The following NEB variants were observed in gnomAD, a reference collection of about 807,000 sequenced individuals.
The protein encoded by NEB is nebulin.
Under a neutral mutation model 952.2 loss-of-function variants are expected in NEB, and 512 were observed. The observed-to-expected ratio is 0.54, with a 90% CI of 0.50 to 0.58. The LOEUF (loss-of-function observed/expected upper bound fraction) is 0.58. NEB is among the 20% of genes least tolerant of loss of function. NEB has a pLI of 0.00. For synonymous variants in NEB, 2,900 were observed against 3,149.8 expected (o/e 0.92, Z 2.66); for missense variants, 8,428 against 9,231.1 (o/e 0.91, Z 3.56).
chr2:151,519,480 G>A lies in NEB; in HGVS notation c.22590+178C>T, dbSNP rs151109510. Reference sequence around the variant, plus strand: ...GGTTCCCAGGAGCTGACGGGAGGAGGGAATGGAGAGTTTTTGCTTAATGGT... The same window carrying A: ...GGTTCCCAGGAGCTGACGGGAGGAGAGAATGGAGAGTTTTTGCTTAATGGT... On this transcript the variant is annotated intron_variant, in intron 154 of 181. Transcript: ENST00000397345. Among the ~76,000 whole-genome samples, 388 of 152,294 alleles carry A rather than the reference G, an allele frequency of 2.5e-3. 1 individual carries two copies. The highest frequency in any genetic ancestry group is 0.014 in the Middle Eastern group (4 of 294).
At position 151,614,448 on chromosome 2, in the gene NEB, T is replaced by C. The variant is rs562419268; in HGVS notation, c.11429A>G (p.Lys3810Arg). 27 of 1,613,834 alleles carry C rather than the reference T, an allele frequency of 1.7e-5. No homozygotes were observed. The South Asian group carries it at 2.1e-4, about 12-fold the overall frequency. The change falls in exon 77 of 182, where the codon AAG becomes AGG. Residue 3810 changes from lysine to arginine, a missense_variant. Transcript: ENST00000397345. ...SDREYKKEFE[K>R]WKTKFSSPVD... Reference sequence around the variant, plus strand: ...TGGGCTGCTGAACTTGGTCTTCCACTTCTCAAACTCCTTCTTGTACTCCCT... The same window carrying C: ...TGGGCTGCTGAACTTGGTCTTCCACCTCTCAAACTCCTTCTTGTACTCCCT...
intron 38 of NEB, 78 bp downstream of exon 38, chr2:151,670,945 G>T (rs1312581233): frequency 2.1e-6 from 3 of 1,424,574 alleles, no homozygotes; most frequent in Non-Finnish European, 3.0e-6. Flanking sequence ...CTCACACATT[G>T]AATTAAGAAG....
At chr2:151,702,827 C>G (rs1175638941) in intron 13 of NEB, among the ~76,000 whole-genome samples, 9 of 152,090 alleles carry the variant, frequency 5.9e-5, no homozygotes, top group African/African-American at 2.2e-4. Flanking sequence ...ATCCAATTTG[C>G]CAGTCTGTGC....
chr2:151,640,649 G>A lies in NEB; in HGVS notation c.8391C>T (p.Gly2797=), dbSNP rs1000640285. Residue 2797 remains glycine (G), a synonymous_variant, in exon 61 of 182, where the codon GGC becomes GGT. Coordinates refer to ENST00000397345, the MANE Select transcript of NEB (RefSeq NM_001164508.2). ...TGTGGTGGCCGAGCTGCTTACGATA[G>A]CCTTCTTTGTACTTGAACTAAAAGA... is the stretch of plus-strand genomic sequence containing the variant. The part of the protein sequence containing the change: ...DIASEFKYKE[G]YRKQLGHHIG... 1 of 1,612,064 alleles carries A rather than the reference G, an allele frequency of 6.2e-7. No homozygotes were observed. Among genetic ancestry groups the A allele is most frequent in the Non-Finnish European group, 8.5e-7 (1 of 1,178,660 alleles).
At position 151,639,388 on chromosome 2, in the gene NEB, T is replaced by A; in HGVS notation, c.8890-4A>T. On this transcript the variant is annotated splice_region_variant and splice_polypyrimidine_tract_variant and intron_variant, in intron 62 of 181. Transcript: ENST00000397345. Reference sequence around the variant, plus strand: ...CCCAGGCTTCTGTGTATAAACGCTATCAAAAAAAATACACAAATTCATCAG... The same window carrying A: ...CCCAGGCTTCTGTGTATAAACGCTAACAAAAAAAATACACAAATTCATCAG... 1 of 1,512,796 alleles carries A rather than the reference T, an allele frequency of 6.6e-7. No homozygotes were observed. The highest frequency in any genetic ancestry group is 2.1e-5 in the Admixed American group (1 of 47,654). 93.7% of individuals were successfully genotyped at this position (1,512,796 alleles called of 1,614,324 possible). A position where few individuals can be genotyped will look rare whatever the true frequency, so the allele number is the denominator to read the frequency against.
In NEB at chr2:151,503,479, G is replaced by T; in HGVS notation, c.23743-38C>A. On this transcript the variant is annotated intron_variant, in intron 165 of 181. Transcript: ENST00000397345. ...ATTAGAATACCCAGAAAGGTAAAAT[G>T]ACCGTAAATCCTTTAGATAGCAGCC... 3 of 1,419,908 alleles carry T rather than the reference G, an allele frequency of 2.1e-6. No homozygotes were observed. In the South Asian group the frequency reaches 3.5e-5, roughly 17 times the overall value. The allele number at this position is 1,419,908 out of a possible 1,614,324, so 88.0% of individuals were successfully genotyped here.
intron 68 of NEB, 57 bp downstream of exon 68, chr2:151,629,482 T>C: frequency 7.2e-7 from 1 of 1,393,786 alleles, no homozygotes; most frequent in Non-Finnish European, 1.0e-6. Context: ...ATAATAGTAA[T>C]AATCCTGCCT....
At position 151,664,577 on chromosome 2, in the gene NEB, T is replaced by G; in HGVS notation, c.5375A>C (p.Lys1792Thr). The G allele has an allele frequency of 6.2e-7, 1 of 1,608,276 alleles. No homozygotes were observed. The highest frequency in any genetic ancestry group is 8.5e-7 in the Non-Finnish European group (1 of 1,177,188). ...AGGCCTCAGGTCATATCCTTTCTTC[T>G]TTTCCTCTTCCCAGCCAGCTTTGTA... ...KLYKAGWEEE[K>T]KKGYDLRPDA... Residue 1792 changes from lysine (K) to threonine (T), a missense_variant, in exon 44 of 182, where the codon AAG becomes ACG. By Grantham distance (78) the Lys-to-Thr change is moderately conservative. Around this residue, in one of 11 missense-constraint regions of NEB, gnomAD observed 2,851 missense variants for 2,791.5 expected, o/e 1.02. Transcript: ENST00000397345.
Position 151,677,753 on chromosome 2 carries a change from A to G in NEB, c.3586T>C (p.Tyr1196His), listed in dbSNP as rs1383025846. The G allele has an allele frequency of 6.2e-7, 1 of 1,613,996 alleles. No homozygotes were observed. The highest frequency in any genetic ancestry group is 8.5e-7 in the Non-Finnish European group (1 of 1,179,874). Residue 1196 changes from tyrosine (Y) to histidine (H), a missense_variant, in exon 34 of 182, where the codon TAC becomes CAC. This residue lies in a region of NEB where 2,851 missense variants were observed against 2,791.5 expected (regional missense o/e 1.02). Coordinates refer to ENST00000397345, the MANE Select transcript of NEB (RefSeq NM_001164508.2). ...IQSDNVYKED[Y>H]NNWMKGIGWI... is the part of the protein sequence containing the mutation. Reference sequence around the variant, plus strand: ...CCAATGCCTTTCATCCAGTTGTTGTAGTCTTCCTTGTAGACGTTCTACAGC... The same window carrying G: ...CCAATGCCTTTCATCCAGTTGTTGTGGTCTTCCTTGTAGACGTTCTACAGC...
At chr2:151,559,025 T>C (rs1426267879) in intron 124 of NEB, among the ~76,000 whole-genome samples, 1 of 152,178 alleles carries the variant, frequency 6.6e-6, no homozygotes, top group Non-Finnish European at 1.5e-5. Flanking sequence ...GGGAAAAAAT[T>C]TCTGCAATCT....
intron 141 of NEB, 118 bp from the exon 142 acceptor site, chr2:151,535,913 G>T: frequency 1.6e-6 from 1 of 612,142 alleles, no homozygotes; most frequent in Non-Finnish European, 2.8e-6. Flanking sequence ...ACACATATTC[G>T]TTTGTTTGTT....
chr2:151,610,009 C>G lies in NEB; in HGVS notation c.12130G>C (p.Glu4044Gln). ...CAIHAGKIQS[E>Q]REYKKEFQKW... is the part of the protein sequence containing the mutation. ...TGGAATTCCTTCTTGTACTCCCTTT[C>G]ACTTTGAATTTTTCCTGCATGTATG... is the stretch of plus-strand genomic sequence containing the variant. Residue 4044 changes from glutamate (E) to glutamine (Q), a missense_variant, in exon 81 of 182, where the codon GAA becomes CAA. Transcript: ENST00000397345. 1.2e-6 allele frequency: 2 copies of G among 1,613,888 alleles called. No individual in the cohort carries two copies. Among genetic ancestry groups the G allele is most frequent in the Non-Finnish European group, 1.7e-6 (2 of 1,179,854 alleles).
rs371785128 is a variant in NEB, at chr2:151,553,897, G to A, written c.19557C>T (p.His6519=). Residue 6519 remains histidine (H), a synonymous_variant, in exon 126 of 182, where the codon CAC becomes CAT. Coordinates refer to ENST00000397345, the MANE Select transcript of NEB (RefSeq NM_001164508.2). ...GCAAGTCGGGGTGGCAAATCCATTC[G>A]TGGAGGCGCAGGCGGTAATCAATCT... ...VSEIDYRLRL[H]EWICHPDLQV... is the part of the protein sequence containing the mutation. The A allele has an allele frequency of 4.8e-5, 78 of 1,613,794 alleles. No individual in the cohort carries two copies. The highest frequency in any genetic ancestry group is 4.0e-4 in the East Asian group (18 of 44,874).
Position 151,677,625 on chromosome 2 carries a change from G to A in NEB, c.3714C>T (p.Thr1238=). 1 of 1,613,912 alleles carries A rather than the reference G, an allele frequency of 6.2e-7. No homozygotes were observed. Among genetic ancestry groups the A allele is most frequent in the Non-Finnish European group, 8.5e-7 (1 of 1,179,874 alleles). ...CCATAACTGGGGAGTCCACAATGCTGGTAAATTTGAGGGTGTCTGGATGTT... is the reference window on the plus strand; with the variant it reads ...CCATAACTGGGGAGTCCACAATGCTAGTAAATTTGAGGGTGTCTGGATGTT... ...YRQHPDTLKF[T]SIVDSPVMVQ... Residue 1238 remains threonine, a synonymous_variant, in exon 34 of 182, where the codon ACC becomes ACT. Coordinates refer to ENST00000397345, the MANE Select transcript of NEB (RefSeq NM_001164508.2).
intron 46 of NEB, among the ~76,000 whole-genome samples, chr2:151,659,717 C>A (rs542245348): frequency 6.6e-6 from 1 of 152,222 alleles, no homozygotes; most frequent in South Asian, 2.1e-4. Context: ...CATTTGCCTC[C>A]TAAAATTTTC....
intron 62 of NEB, 82 bp from the exon 63 acceptor site, chr2:151,639,466 T>TAA: frequency 9.8e-7 from 1 of 1,021,832 alleles, no homozygotes; most frequent in Non-Finnish European, 1.4e-6. Flanking sequence ...AAAAACTTTA[T>TAA]AAAAAAAAAG....
chr2:151,530,102 G>GT (rs555142334), intron 145 of NEB, among the ~76,000 whole-genome samples: 17 of 152,044 alleles, frequency 1.1e-4, no homozygotes, highest in Non-Finnish European at 2.5e-4. Flanking sequence ...GGCAAAAACT[G>GT]TTTATCATCC....
intron 167 of NEB, among the ~76,000 whole-genome samples, chr2:151,502,110 A>C (rs916846378): frequency 6.6e-6 from 1 of 152,214 alleles, no homozygotes; most frequent in Admixed American, 6.5e-5. Context: ...TAAGTGAAGT[A>C]ACTCAGGAAT....
chr2:151,668,393 CT>C (rs2099246482), intron 39 of NEB, among the ~76,000 whole-genome samples: 1 of 152,052 alleles, frequency 6.6e-6, no homozygotes, highest in African/African-American at 2.4e-5. Context: ...AATCTTTCCC[CT>C]TAATGAAACA....
Sources: allele counts gnomAD v4.1 joint callset (sites outside exome capture counted in the v4.1 genomes callset), GRCh38; gene constraint gnomAD v4.1.1; regional missense constraint gnomAD v4.1.1; transcripts MANE v1.5; gene names NCBI Gene and HGNC (gene_info 2026-07-23, HGNC 2026-07-21).